The following AGAP1 variants were observed in gnomAD, a reference collection of about 807,000 sequenced individuals.
AGAP1 encodes ArfGAP with GTPase domain, ankyrin repeat and PH domain 1.
A neutral mutation model predicts 105.3 loss-of-function variants in AGAP1; 29 were observed. The observed-to-expected ratio is 0.28, with a 90% CI of 0.21 to 0.38. The LOEUF (loss-of-function observed/expected upper bound fraction) is 0.38, where lower values mean the gene tolerates loss of function less well. AGAP1 is among the 10% of genes least tolerant of loss of function. The pLI, the probability that AGAP1 is intolerant of heterozygous loss-of-function variation, is 1.00. For missense variants in AGAP1, 998 were observed against 1,165.1 expected, an observed-to-expected ratio of 0.86 and a Z score of 2.09; for synonymous variants, 509 against 485.9, an observed-to-expected ratio of 1.05 and a Z score of -0.63.
rs548409361 is a variant in AGAP1 at position 236,075,807 on chromosome 2, C to T, written c.2114+26526C>T. On this transcript the variant is annotated intron_variant, in intron 16 of 17. Coordinates refer to ENST00000304032, the MANE Select transcript of AGAP1 (RefSeq NM_001037131.3). Reference sequence around the variant, plus strand: ...TTGCTGCCCAGTGTCATCAAGATGCCGCCATTGATTCTAGCTTTGGAATCT... The same window carrying T: ...TTGCTGCCCAGTGTCATCAAGATGCTGCCATTGATTCTAGCTTTGGAATCT... 5.3e-5 allele frequency among the ~76,000 whole-genome samples: 8 copies of T among 152,306 alleles called. No homozygotes were observed. The South Asian group carries it at 1.0e-3, about 20-fold the overall frequency.
chr2:235,901,490 T>G lies in AGAP1; in HGVS notation c.1156-7248T>G, dbSNP rs531935197. Among the ~76,000 whole-genome samples, 1 of 152,324 alleles carries G rather than the reference T, an allele frequency of 6.6e-6. No homozygotes were observed. The highest frequency in any genetic ancestry group is 2.1e-4 in the South Asian group (1 of 4,826). ...AACCCTTTGCTCCTCCCCGGTTGTG[T>G]ACATAAAAGCATACACATGGAGCCA... On this transcript the variant is annotated intron_variant, in intron 10 of 17. Transcript: ENST00000304032. This position sits in a 1 kb window ranked among gnomAD's most constrained non-coding sequence, Gnocchi z 4.3.
At position 235,973,687 on chromosome 2, in the gene AGAP1, T is replaced by C. The variant is rs961329422; in HGVS notation, c.1645+5064T>C. 6.6e-6 allele frequency among the ~76,000 whole-genome samples: 1 copy of C among 151,992 alleles called. No individual in the cohort carries two copies. Among genetic ancestry groups the C allele is most frequent in the Non-Finnish European group, 1.5e-5 (1 of 67,954 alleles). Reference sequence around the variant, plus strand: ...GGTGGTAACCATGGGACCTGATGGGTGGAAGCCTCAAGGAGGTGGATTTTG... The same window carrying C: ...GGTGGTAACCATGGGACCTGATGGGCGGAAGCCTCAAGGAGGTGGATTTTG... On this transcript the variant is annotated intron_variant, in intron 13 of 17. Coordinates refer to ENST00000304032, the MANE Select transcript of AGAP1 (RefSeq NM_001037131.3). The surrounding 1 kb of genome is among the most constrained non-coding windows in gnomAD (Gnocchi z 4.7).
chr2:235,521,105 A>C (rs953349608), intron 1 of AGAP1, among the ~76,000 whole-genome samples: 9 of 152,214 alleles, frequency 5.9e-5, no homozygotes, highest in Admixed American at 5.2e-4. Flanking sequence ...TACAATTCTC[A>C]GAAGACAGCT....
intron 9 of AGAP1, among the ~76,000 whole-genome samples, chr2:235,856,728 A>C (rs2048701216): frequency 6.6e-6 from 1 of 152,256 alleles, no homozygotes; most frequent in South Asian, 2.1e-4. Context: ...GGTCCTGGCC[A>C]TGAGCACAGG....
chr2:235,897,138 T>C (rs1409635650), intron 10 of AGAP1, among the ~76,000 whole-genome samples: 3 of 152,108 alleles, frequency 2.0e-5, no homozygotes, highest in Non-Finnish European at 4.4e-5. Flanking sequence ...GCTGGAGTGC[T>C]GTGGCGTGAT....
rs182406468 is a variant in AGAP1, at chr2:235,856,865, G to A, written c.1051-26480G>A. Among the ~76,000 whole-genome samples the A allele has an allele frequency of 6.9e-4, 105 of 152,370 alleles. 1 individual carries two copies. The East Asian group carries it at 0.016, about 23-fold the overall frequency. On this transcript the variant is annotated intron_variant, in intron 9 of 17. Transcript: ENST00000304032. ...CCTCCTGCAAGTGCCAGCCACTGTCGTGAGCTCAGGTGTCTGAGAGCACGC... is the reference window on the plus strand; with the variant it reads ...CCTCCTGCAAGTGCCAGCCACTGTCATGAGCTCAGGTGTCTGAGAGCACGC...
At position 235,560,939 on chromosome 2, in the gene AGAP1, C is replaced by T. The variant is rs144934654; in HGVS notation, c.163+66090C>T. On this transcript the variant is annotated intron_variant, in intron 1 of 17. Coordinates refer to ENST00000304032, the MANE Select transcript of AGAP1 (RefSeq NM_001037131.3). ...CCTCAGGTCACAGCCAGATGCTCCA[C>T]CCTCCATCAGTTTCTCATGTGTCCT... Among the ~76,000 whole-genome samples the T allele has an allele frequency of 5.7e-4, 87 of 152,318 alleles. 1 individual carries two copies. The highest frequency in any genetic ancestry group is 2.0e-3 in the African/African-American group (82 of 41,564).
Position 235,754,244 on chromosome 2 carries a change from G to A in AGAP1, c.673+3756G>A, listed in dbSNP as rs916122961. 5.9e-5 allele frequency among the ~76,000 whole-genome samples: 9 copies of A among 152,180 alleles called. No homozygotes were observed. The highest frequency in any genetic ancestry group is 1.9e-4 in the African/African-American group (8 of 41,444). On this transcript the variant is annotated intron_variant, in intron 6 of 17. Transcript: ENST00000304032. This position sits in a 1 kb window ranked among gnomAD's most constrained non-coding sequence, Gnocchi z 4.6. ...GTCTGGGGAGGGCCTTGCAGGGGAT[G>A]CACCCAGCCAGCAGGGCCCCTGCCT... is the stretch of plus-strand genomic sequence containing the variant.
chr2:235,552,144 GTGTT>G lies in AGAP1; in HGVS notation c.163+57300_163+57303del, dbSNP rs1190228482. ...CCCGCTGGAAGGGGCCTGCAGGGAA[GTGTT>G]TGTTGTGTGCTTGGTGTTCATTGCC... On this transcript the variant is annotated intron_variant, in intron 1 of 17. Transcript: ENST00000304032. The surrounding 1 kb of genome is among the most constrained non-coding windows in gnomAD (Gnocchi z 5.9). Among the ~76,000 whole-genome samples the G allele has an allele frequency of 2.6e-5, 4 of 152,128 alleles. No homozygotes were observed. Among genetic ancestry groups the G allele is most frequent in the African/African-American group, 9.7e-5 (4 of 41,428 alleles).
In AGAP1 at chr2:235,612,693, G is replaced by C. The variant is rs77706418; in HGVS notation, c.164-96486G>C. Among the ~76,000 whole-genome samples the C allele has an allele frequency of 6.6e-6, 1 of 152,156 alleles. No individual in the cohort carries two copies. The highest frequency in any genetic ancestry group is 2.4e-5 in the African/African-American group (1 of 41,498). On this transcript the variant is annotated intron_variant, in intron 1 of 17. Transcript: ENST00000304032. The surrounding 1 kb of genome is among the most constrained non-coding windows in gnomAD (Gnocchi z 4.3). ...GACCAGCGCATCCAGGGTTGCTTGGGCACAGTGGTCCTTTTGCATGGGGTG... is the reference window on the plus strand; with the variant it reads ...GACCAGCGCATCCAGGGTTGCTTGGCCACAGTGGTCCTTTTGCATGGGGTG...
intron 1 of AGAP1, among the ~76,000 whole-genome samples, chr2:235,638,945 CG>C (rs1349726277): frequency 3.3e-5 from 5 of 152,150 alleles, no homozygotes; most frequent in African/African-American, 1.2e-4. Context: ...CTTCCAGTTG[CG>C]GTGACCAAAA....
chr2:236,094,866 C>T (rs1262671425), intron 16 of AGAP1, among the ~76,000 whole-genome samples: 1 of 136,108 alleles, frequency 7.3e-6, no homozygotes, highest in Non-Finnish European at 1.5e-5. Flanking sequence ...AGGTGGATCA[C>T]TTGAGTCCAG....
rs1391901223 is a variant in AGAP1, at chr2:235,889,479, T to A, written c.1155+6030T>A. On this transcript the variant is annotated intron_variant, in intron 10 of 17. Coordinates refer to ENST00000304032, the MANE Select transcript of AGAP1 (RefSeq NM_001037131.3). This position sits in a 1 kb window ranked among gnomAD's most constrained non-coding sequence, Gnocchi z 4.6. ...CTGGGTGGTGGCCCTGGGATGTCAC[T>A]TTCCTTCCCACTTAATTGCTTTGGA... 6.6e-6 allele frequency among the ~76,000 whole-genome samples: 1 copy of A among 152,050 alleles called. No individual in the cohort carries two copies. The highest frequency in any genetic ancestry group is 1.5e-5 in the Non-Finnish European group (1 of 68,020).
rs1482804662 is a variant in AGAP1, at chr2:235,988,111, C to T, written c.1645+19488C>T. ...AGGCTGGAGTGTGGTGGCATGATCTCGGCTCACTGAAGCCTCCACCTCCAA... is the reference window on the plus strand; with the variant it reads ...AGGCTGGAGTGTGGTGGCATGATCTTGGCTCACTGAAGCCTCCACCTCCAA... On this transcript the variant is annotated intron_variant, in intron 13 of 17. Transcript: ENST00000304032. This position sits in a 1 kb window ranked among gnomAD's most constrained non-coding sequence, Gnocchi z 4.7. Among the ~76,000 whole-genome samples, 1 of 152,116 alleles carries T rather than the reference C, an allele frequency of 6.6e-6. No homozygotes were observed. Among genetic ancestry groups the T allele is most frequent in the Non-Finnish European group, 1.5e-5 (1 of 68,020 alleles).
chr2:235,808,411 G>T (rs6714199), intron 9 of AGAP1, among the ~76,000 whole-genome samples: 3,911 of 152,334 alleles, frequency 0.026, 176 homozygotes, highest in African/African-American at 0.09. Context: ...TTCTGGTGGT[G>T]CAGGTTTCGT....
chr2:235,943,617 TG>T, intron 12 of AGAP1, among the ~76,000 whole-genome samples: 1 of 152,208 alleles, frequency 6.6e-6, no homozygotes, highest in East Asian at 1.9e-4. Context: ...CCCAAAGTGC[TG>T]GGATTACAGG....
At chr2:235,536,972 G>C (rs13403973) in intron 1 of AGAP1, among the ~76,000 whole-genome samples, 1 of 152,074 alleles carries the variant, frequency 6.6e-6, no homozygotes, top group Non-Finnish European at 1.5e-5. Context: ...CAACTCCTCC[G>C]TGAGTCCATC....
At chr2:235,573,248 T>C (rs1944632510) in intron 1 of AGAP1, among the ~76,000 whole-genome samples, 1 of 151,722 alleles carries the variant, frequency 6.6e-6, no homozygotes, top group African/African-American at 2.4e-5. Context: ...CCATGCCTGG[T>C]TACTTTTTTA....
At position 235,513,906 on chromosome 2, in the gene AGAP1, C is replaced by A. The variant is rs1047561902; in HGVS notation, c.163+19057C>A. Reference sequence around the variant, plus strand: ...TCTGAAGACCCAACAACACACAGCACCCCCACGCTGAACCCTCCCGAGAAT... The same window carrying A: ...TCTGAAGACCCAACAACACACAGCAACCCCACGCTGAACCCTCCCGAGAAT... On this transcript the variant is annotated intron_variant, in intron 1 of 17. Transcript: ENST00000304032. Among the ~76,000 whole-genome samples the A allele has an allele frequency of 2.0e-5, 3 of 152,176 alleles. No homozygotes were observed. The East Asian group carries it at 5.8e-4, about 29-fold the overall frequency.
Sources: gnomAD v4.1 joint callset for allele counts (sites outside exome capture counted in the v4.1 genomes callset) on GRCh38, gnomAD v4.1.1 for gene constraint, Gnocchi (gnomAD v3.1) non-coding constraint, MANE v1.5 for transcripts, NCBI Gene and HGNC (gene_info 2026-07-23, HGNC 2026-07-21) for gene names.